The following IL17RD variants were observed in gnomAD, a reference collection of about 807,000 sequenced individuals.
The protein encoded by IL17RD is interleukin-17 receptor D.
IL17RD carries 52 observed loss-of-function variants against 80.5 expected under a neutral mutation model. The observed-to-expected ratio is 0.65, with a 90% CI of 0.52 to 0.81. IL17RD has a LOEUF of 0.81. Ranked by LOEUF, IL17RD falls within the 40% of genes least tolerant of loss-of-function variation. IL17RD has a pLI of 0.00. For missense variants in IL17RD, 1,024 were observed against 955.1 expected (o/e 1.07, Z -0.95); for synonymous variants, 416 against 391.8 (o/e 1.06, Z -0.73).
At position 57,105,932 on chromosome 3, in the gene IL17RD, G is replaced by T. The variant is rs1205331344; in HGVS notation, c.672C>A (p.Asn224Lys). The change falls in exon 7 of 13, where the codon AAC (asparagine) becomes AAA (lysine). Residue 224 changes from asparagine to lysine, a missense_variant. Coordinates refer to ENST00000296318, the MANE Select transcript of IL17RD (RefSeq NM_017563.5). ...MQVSFDHAPH[N>K]FGFRFFYLHY... ...GAAGATAGAAGAAACGGAAGCCGAA[G>T]TTGTGCGGTGCATGGTCGAAGGACA... 6.2e-7 allele frequency: 1 copy of T among 1,613,816 alleles called. No individual in the cohort carries two copies. The highest frequency in any genetic ancestry group is 8.5e-7 in the Non-Finnish European group (1 of 1,179,858).
chr3:57,127,331 T>TATAA (rs1346092399), intron 1 of IL17RD, among the ~76,000 whole-genome samples: 9 of 105,466 alleles, frequency 8.5e-5, no homozygotes, highest in African/African-American at 4.1e-4. Context: ...TATATAAATA[T>TATAA]ATATAAAAAT....
chr3:57,141,992 G>A (rs971748295), intron 1 of IL17RD, among the ~76,000 whole-genome samples: 10 of 152,120 alleles, frequency 6.6e-5, no homozygotes, highest in African/African-American at 2.4e-4. Flanking sequence ...AGCAGCCCCT[G>A]CCCCATTGCC....
chr3:57,156,994 T>C (rs1046152264), intron 1 of IL17RD, among the ~76,000 whole-genome samples: 1 of 152,200 alleles, frequency 6.6e-6, no homozygotes, highest in Non-Finnish European at 1.5e-5. Context: ...ATCACTGCAA[T>C]GTTTGGACAC....
intron 3 of IL17RD, among the ~76,000 whole-genome samples, chr3:57,110,765 G>A (rs1707078966): frequency 6.6e-6 from 1 of 152,216 alleles, no homozygotes; most frequent in Non-Finnish European, 1.5e-5. Context: ...ATCTCACTGA[G>A]CAACATACAA....
rs1706640962 is a variant in IL17RD, at chr3:57,095,068, A to G, written c.*1325T>C. The G allele has an allele frequency of 6.6e-6, 1 of 152,490 alleles. No homozygotes were observed. The highest frequency in any genetic ancestry group is 1.5e-5 in the Non-Finnish European group (1 of 68,044). The allele number at this position is 152,490 out of a possible 1,614,324, so 9.4% of individuals were successfully genotyped here. A position where few individuals can be genotyped will look rare whatever the true frequency, so the allele number is the denominator to read the frequency against. On this transcript the variant is annotated 3_prime_UTR_variant, in exon 13 of 13. Coordinates refer to ENST00000296318, the MANE Select transcript of IL17RD (RefSeq NM_017563.5). ...CCCACCTTGCCTCAGGATGTTTCTCAACATACCCCTTCATGTTGGTCTTAT... is the reference window on the plus strand; with the variant it reads ...CCCACCTTGCCTCAGGATGTTTCTCGACATACCCCTTCATGTTGGTCTTAT...
intron 8 of IL17RD, 107 bp downstream of exon 8, chr3:57,104,233 CTG>C (rs1410750157): frequency 7.0e-6 from 5 of 715,606 alleles, no homozygotes; most frequent in South Asian, 3.6e-5. Flanking sequence ...AAAAATATAA[CTG>C]TGCACACCTT....
chr3:57,124,853 C>T (rs1470628252), intron 1 of IL17RD, among the ~76,000 whole-genome samples: 1 of 152,210 alleles, frequency 6.6e-6, no homozygotes, highest in Non-Finnish European at 1.5e-5. Flanking sequence ...CCCTGCCCCC[C>T]AACACCCGGA....
Position 57,165,261 on chromosome 3 carries a change from G to C in IL17RD, c.26C>G (p.Ser9Cys). Residue 9 changes from serine (S) to cysteine (C), a missense_variant, in exon 1 of 13, where the codon TCC becomes TGC. Transcript: ENST00000296318. MAPWLQLC[S>C]VFFTVNACLN... ...GCAGGCGTTGACCGTAAAGAAGACGGAGCAGAGCTGCAGCCACGGGGCCAT... is the reference window on the plus strand; with the variant it reads ...GCAGGCGTTGACCGTAAAGAAGACGCAGCAGAGCTGCAGCCACGGGGCCAT... 6.6e-7 allele frequency: 1 copy of C among 1,518,114 alleles called. No individual in the cohort carries two copies. Among genetic ancestry groups the C allele is most frequent in the South Asian group, 1.2e-5 (1 of 80,866 alleles). 94.0% of individuals were successfully genotyped at this position (1,518,114 alleles called of 1,614,324 possible).
chr3:57,105,720 A>G lies in IL17RD; in HGVS notation c.747+137T>C, dbSNP rs768765294. On this transcript the variant is annotated intron_variant, in intron 7 of 12. Coordinates refer to ENST00000296318, the MANE Select transcript of IL17RD (RefSeq NM_017563.5). ...GCAAGATGGCCCTGAGACATGCCCA[A>G]TGATTACATTCTCAAGTATCTACCA... The G allele has an allele frequency of 1.1e-4, 75 of 674,934 alleles. 1 individual carries two copies. Among genetic ancestry groups the G allele is most frequent in the Admixed American group, 1.9e-4 (6 of 32,078 alleles). The allele number at this position is 674,934 out of a possible 1,614,324, so 41.8% of individuals were successfully genotyped here.
chr3:57,143,984 T>C (rs1228605948), intron 1 of IL17RD, among the ~76,000 whole-genome samples: 3 of 152,194 alleles, frequency 2.0e-5, no homozygotes, highest in Admixed American at 6.5e-5. Flanking sequence ...ATTTTTCAGT[T>C]TCCACAGATA....
chr3:57,102,723 T>C (rs1172472156), intron 9 of IL17RD, 134 bp from the exon 10 acceptor site: 1 of 485,754 alleles, frequency 2.1e-6, no homozygotes, highest in Non-Finnish European at 3.7e-6. Context: ...CTAGTGTGGT[T>C]TGGTGATTTA....
chr3:57,093,604 T>A lies in IL17RD; in HGVS notation c.*2789A>T, dbSNP rs1486065545. 1 of 152,254 alleles carries A rather than the reference T, an allele frequency of 6.6e-6. No individual in the cohort carries two copies. The highest frequency in any genetic ancestry group is 2.4e-5 in the African/African-American group (1 of 41,466). 9.4% of individuals were successfully genotyped at this position (152,254 alleles called of 1,614,324 possible). A position where few individuals can be genotyped will look rare whatever the true frequency, so the allele number is the denominator to read the frequency against. ...TTATCTGGCTGGGTCACCATCTGAATACCTGGGCCTGGACTGGAATGACTT... is the reference window on the plus strand; with the variant it reads ...TTATCTGGCTGGGTCACCATCTGAAAACCTGGGCCTGGACTGGAATGACTT... On this transcript the variant is annotated 3_prime_UTR_variant, in exon 13 of 13. Transcript: ENST00000296318.
rs1043291147 is a variant in IL17RD at position 57,105,783 on chromosome 3, G to C, written c.747+74C>G. The C allele has an allele frequency of 1.3e-5, 18 of 1,345,354 alleles. No individual in the cohort carries two copies. The South Asian group carries it at 2.4e-4, about 18-fold the overall frequency. The allele number at this position is 1,345,354 out of a possible 1,614,324, so 83.3% of individuals were successfully genotyped here. A position where few individuals can be genotyped will look rare whatever the true frequency, so the allele number is the denominator to read the frequency against. ...CAACAAAGCCTAATGCTCACATTGAGCAACCCAAATTCCAGTGGCCTGGGG... is the reference window on the plus strand; with the variant it reads ...CAACAAAGCCTAATGCTCACATTGACCAACCCAAATTCCAGTGGCCTGGGG... On this transcript the variant is annotated intron_variant, in intron 7 of 12. Coordinates refer to ENST00000296318, the MANE Select transcript of IL17RD (RefSeq NM_017563.5).
At chr3:57,163,223 C>G (rs74741959) in intron 1 of IL17RD, among the ~76,000 whole-genome samples, 4,065 of 152,176 alleles carry the variant, frequency 0.027, 86 homozygotes, top group South Asian at 0.048. Flanking sequence ...GTCCAGGAGG[C>G]GAATGAGGAT....
upstream of IL17RD, chr3:57,170,108 C>T (rs1180510844): frequency 2.0e-5 from 3 of 152,328 alleles, no homozygotes; most frequent in African/African-American, 7.2e-5. Context: ...TAAACCCAGC[C>T]TTGGCGCCTC....
chr3:57,105,790 A>C, intron 7 of IL17RD, 67 bp downstream of exon 7: 1 of 1,436,786 alleles, frequency 7.0e-7, no homozygotes, highest in Non-Finnish European at 9.5e-7. Context: ...TGAGCAACCC[A>C]AATTCCAGTG....
chr3:57,151,289 TTG>T (rs1364968143), intron 1 of IL17RD, among the ~76,000 whole-genome samples: 2 of 152,156 alleles, frequency 1.3e-5, no homozygotes, highest in Non-Finnish European at 2.9e-5. Context: ...CTTTAGGGAT[TTG>T]AAGTGTTGGG....
chr3:57,158,886 T>C (rs2060285281), intron 1 of IL17RD, among the ~76,000 whole-genome samples: 1 of 152,208 alleles, frequency 6.6e-6, no homozygotes, highest in South Asian at 2.1e-4. Context: ...ATATTCTTGG[T>C]ATTATTTAAG....
intron 1 of IL17RD, among the ~76,000 whole-genome samples, chr3:57,122,366 C>G (rs184586697): frequency 6.6e-6 from 1 of 152,320 alleles, no homozygotes; most frequent in East Asian, 1.9e-4. Flanking sequence ...CCACTCTACT[C>G]TAGGGGTCCC....
Sources: gnomAD v4.1 joint callset for allele counts (sites outside exome capture counted in the v4.1 genomes callset) on GRCh38, gnomAD v4.1.1 for gene constraint, MANE v1.5 for transcripts, NCBI Gene and HGNC (gene_info 2026-07-23, HGNC 2026-07-21) for gene names.